The following LHFPL3 variants were observed in gnomAD, a reference collection of about 807,000 sequenced individuals.
LHFPL3 encodes LHFPL tetraspan subfamily member 3.
LHFPL3 carries 5 observed loss-of-function variants against 19.3 expected under a neutral mutation model. The ratio of observed to expected loss-of-function variants is 0.26; its 90% CI spans 0.14 to 0.54. The LOEUF (loss-of-function observed/expected upper bound fraction) is 0.54. Ranked by LOEUF, LHFPL3 falls within the 20% of genes least tolerant of loss-of-function variation. The probability of loss-of-function intolerance (pLI) is 0.94; values close to 1 mark genes in which losing one functional copy is unlikely to be tolerated. For missense variants in LHFPL3, 249 were observed against 307.4 expected (o/e 0.81, Z 1.42); for synonymous variants, 133 against 126.2 (o/e 1.05, Z -0.36).
At chr7:104,754,174 A>T (rs753163592) in intron 2 of LHFPL3, among the ~76,000 whole-genome samples, 4 of 152,198 alleles carry the variant, frequency 2.6e-5, no homozygotes, top group Non-Finnish European at 5.9e-5. Flanking sequence ...AGAGGCAACA[A>T]ATTAAATGAA....
intron 1 of LHFPL3, among the ~76,000 whole-genome samples, chr7:104,338,034 A>G (rs1470006045): frequency 6.6e-6 from 1 of 151,960 alleles, no homozygotes; most frequent in East Asian, 1.9e-4. Context: ...AAAAGAGAGT[A>G]GAAAATACGA....
intron 1 of LHFPL3, among the ~76,000 whole-genome samples, chr7:104,541,526 A>G (rs1366662689): frequency 1.3e-5 from 2 of 152,186 alleles, no homozygotes; most frequent in East Asian, 3.9e-4. Flanking sequence ...GCTCTCAAGT[A>G]AGGTTTTGAC....
intron 1 of LHFPL3, among the ~76,000 whole-genome samples, chr7:104,507,662 T>G (rs1487570778): frequency 2.6e-5 from 3 of 117,040 alleles, no homozygotes; most frequent in Admixed American, 9.5e-5. Flanking sequence ...ACCATCAGAG[T>G]GAACAGGCAA....
chr7:104,402,947 A>C (rs1015057909), intron 1 of LHFPL3, among the ~76,000 whole-genome samples: 1 of 152,226 alleles, frequency 6.6e-6, no homozygotes, highest in Non-Finnish European at 1.5e-5. Flanking sequence ...TCAGCAAACT[A>C]GCACAGGAAC....
At chr7:104,535,043 A>G in intron 1 of LHFPL3, among the ~76,000 whole-genome samples, 1 of 152,096 alleles carries the variant, frequency 6.6e-6, no homozygotes, top group East Asian at 1.9e-4. Context: ...GTAGGGACAG[A>G]AAGTTCTGAA....
intron 2 of LHFPL3, among the ~76,000 whole-genome samples, chr7:104,847,043 A>C (rs1455777394): frequency 6.6e-6 from 1 of 152,230 alleles, no homozygotes; most frequent in Non-Finnish European, 1.5e-5. Context: ...GAAGAAGAAC[A>C]AGGGCAGGAA....
intron 2 of LHFPL3, among the ~76,000 whole-genome samples, chr7:104,848,883 C>CT (rs1412775916): frequency 2.6e-5 from 4 of 151,692 alleles, no homozygotes; most frequent in Non-Finnish European, 5.9e-5. Flanking sequence ...AGAACTCTGC[C>CT]TTTTTTTGTT....
In LHFPL3 at chr7:104,619,058, A is replaced by G. The variant is rs149238489; in HGVS notation, c.446-117617A>G. ...TCAGGAGCATTTCTCTTGGGGTTTC[A>G]TGAGACAGGAGTCAGCGGTGCTTCC... On this transcript the variant is annotated intron_variant, in intron 1 of 2. Transcript: ENST00000424859. 3.1e-3 allele frequency among the ~76,000 whole-genome samples: 479 copies of G among 152,366 alleles called. 9 individuals are homozygous for G. The highest frequency in any genetic ancestry group is 0.029 in the Admixed American group (440 of 15,302).
chr7:104,356,408 A>C (rs1244794836), intron 1 of LHFPL3, among the ~76,000 whole-genome samples: 3 of 152,222 alleles, frequency 2.0e-5, no homozygotes, highest in African/African-American at 4.8e-5. Flanking sequence ...GGGCATGGAA[A>C]GATAAATGGC....
At chr7:104,463,310 C>T (rs1040453872) in intron 1 of LHFPL3, among the ~76,000 whole-genome samples, 1 of 152,070 alleles carries the variant, frequency 6.6e-6, no homozygotes, top group African/African-American at 2.4e-5. Context: ...TTCTCTAATT[C>T]TTTAAGATGT....
intron 2 of LHFPL3, among the ~76,000 whole-genome samples, chr7:104,806,687 T>A (rs1472601756): frequency 1.3e-5 from 2 of 152,212 alleles, no homozygotes; most frequent in African/African-American, 2.4e-5. Context: ...AGATTAATTA[T>A]TTTTTAGTGC....
At chr7:104,784,525 C>T (rs936378586) in intron 2 of LHFPL3, among the ~76,000 whole-genome samples, 3 of 152,122 alleles carry the variant, frequency 2.0e-5, no homozygotes, top group African/African-American at 7.2e-5. Flanking sequence ...ACCAAGTAGA[C>T]TATGAAAAAC....
At chr7:104,641,146 T>C (rs1791825208) in intron 1 of LHFPL3, among the ~76,000 whole-genome samples, 2 of 152,204 alleles carry the variant, frequency 1.3e-5, no homozygotes, top group Non-Finnish European at 2.9e-5. Flanking sequence ...TCCTAGACAG[T>C]ATATCTTCTT....
chr7:104,456,927 G>T (rs892286533), intron 1 of LHFPL3, among the ~76,000 whole-genome samples: 6 of 152,016 alleles, frequency 3.9e-5, no homozygotes, highest in Non-Finnish European at 2.9e-5. Flanking sequence ...GAATATTTTT[G>T]GACCGTAGTT....
At chr7:104,724,132 A>C (rs991237403) in intron 1 of LHFPL3, among the ~76,000 whole-genome samples, 1 of 152,194 alleles carries the variant, frequency 6.6e-6, no homozygotes, top group East Asian at 1.9e-4. Flanking sequence ...GTTAGTTTCC[A>C]GTGGCTATAC....
intron 1 of LHFPL3, among the ~76,000 whole-genome samples, chr7:104,385,645 C>T (rs1790925486): frequency 6.6e-6 from 1 of 152,062 alleles, no homozygotes; most frequent in Non-Finnish European, 1.5e-5. Flanking sequence ...GTCAATCATT[C>T]ATTCACTTAC....
At chr7:104,561,134 G>T (rs576654932) in intron 1 of LHFPL3, among the ~76,000 whole-genome samples, 3 of 152,166 alleles carry the variant, frequency 2.0e-5, no homozygotes, top group Admixed American at 6.5e-5. Context: ...GGTGTGGTGT[G>T]GTGCTGAAAA....
chr7:104,860,430 T>A (rs1791596990), intron 2 of LHFPL3, among the ~76,000 whole-genome samples: 1 of 152,138 alleles, frequency 6.6e-6, no homozygotes, highest in African/African-American at 2.4e-5. Context: ...TTACCGCTAA[T>A]AAAGGGAGCT....
chr7:104,765,805 C>G (rs950610058), intron 2 of LHFPL3, among the ~76,000 whole-genome samples: 1 of 152,144 alleles, frequency 6.6e-6, no homozygotes, highest in African/African-American at 2.4e-5. Flanking sequence ...ATTTCCGCTC[C>G]CCACAGTTTA....
Sources: allele counts gnomAD v4.1 joint callset (sites outside exome capture counted in the v4.1 genomes callset), GRCh38; gene constraint gnomAD v4.1.1; transcripts MANE v1.5; gene names NCBI Gene and HGNC (gene_info 2026-07-23, HGNC 2026-07-21).